The following CCDC178 variants were observed in gnomAD, a reference collection of about 807,000 sequenced individuals.
CCDC178 encodes coiled-coil domain-containing protein 178.
CCDC178 carries 126 observed loss-of-function variants against 117.4 expected under a neutral mutation model. The observed-to-expected ratio is 1.07, with a 90% CI of 0.93 to 1.24. CCDC178 has a LOEUF of 1.24. Ranked by LOEUF, CCDC178 falls within the 50% of genes most tolerant of loss-of-function variation. CCDC178 has a pLI of 0.00. For synonymous variants in CCDC178, 283 were observed against 313.4 expected, an observed-to-expected ratio of 0.90 and a Z score of 1.02; for missense variants, 1,030 against 986.9, an observed-to-expected ratio of 1.04 and a Z score of -0.59.
In CCDC178 at chr18:33,090,048, A is replaced by G. The variant is rs2145064721; in HGVS notation, c.2388+2713T>C. On this transcript the variant is annotated intron_variant, in intron 21 of 22. Coordinates refer to ENST00000383096, the MANE Select transcript of CCDC178 (RefSeq NM_001105528.4). ...AAGAATACCCATTGCTACAAATTTT[A>G]AAAGTACAGGAAAGTATCAAAGATA... is the stretch of plus-strand genomic sequence containing the variant. Among the ~76,000 whole-genome samples, 2 of 152,300 alleles carry G rather than the reference A, an allele frequency of 1.3e-5. 1 individual carries two copies. Among genetic ancestry groups the G allele is most frequent in the South Asian group, 4.1e-4 (2 of 4,832 alleles).
At chr18:33,134,935 G>A (rs1016522383) in intron 20 of CCDC178, among the ~76,000 whole-genome samples, 2 of 151,812 alleles carry the variant, frequency 1.3e-5, no homozygotes, top group African/African-American at 4.8e-5. Flanking sequence ...TCCTCAGTTC[G>A]TAATTTGTAG....
At chr18:33,314,936 A>G (rs2062396211) in intron 11 of CCDC178, among the ~76,000 whole-genome samples, 1 of 152,196 alleles carries the variant, frequency 6.6e-6, no homozygotes, top group South Asian at 2.1e-4. Flanking sequence ...AGGAAACCTT[A>G]AAATACATGA....
chr18:33,153,136 T>TTATA (rs10604490), intron 20 of CCDC178, among the ~76,000 whole-genome samples: 160 of 144,262 alleles, frequency 1.1e-3, no homozygotes, highest in Admixed American at 2.7e-3. Context: ...TGAGTGACAA[T>TTATA]TATATATATA....
intron 20 of CCDC178, among the ~76,000 whole-genome samples, chr18:33,182,892 TTAAG>T (rs1156656559): frequency 1.3e-5 from 2 of 152,020 alleles, no homozygotes; most frequent in Non-Finnish European, 2.9e-5. Flanking sequence ...TGATCAATTC[TTAAG>T]TAAGAGGAGC....
At chr18:33,384,342 C>T (rs1276714065) in intron 5 of CCDC178, among the ~76,000 whole-genome samples, 1 of 152,054 alleles carries the variant, frequency 6.6e-6, no homozygotes, top group Non-Finnish European at 1.5e-5. Context: ...GGCCAATTTT[C>T]AAATTCAGGA....
At chr18:33,238,803 A>G (rs1382687987) in intron 15 of CCDC178, among the ~76,000 whole-genome samples, 5 of 152,170 alleles carry the variant, frequency 3.3e-5, no homozygotes, top group African/African-American at 1.2e-4. Context: ...TAGATTCAAC[A>G]TAACAAGTCC....
At chr18:33,375,093 T>C (rs578225966) in intron 5 of CCDC178, among the ~76,000 whole-genome samples, 1 of 152,232 alleles carries the variant, frequency 6.6e-6, no homozygotes, top group South Asian at 2.1e-4. Flanking sequence ...AATGAGTGGA[T>C]TGTATTGCAT....
At chr18:33,272,167 T>C (rs1568105477) in intron 12 of CCDC178, among the ~76,000 whole-genome samples, 2 of 151,442 alleles carry the variant, frequency 1.3e-5, no homozygotes, top group Non-Finnish European at 3.0e-5. Context: ...AAATACTGTA[T>C]ACACTAACCA....
At chr18:33,090,322 C>T (rs1159540933) in intron 21 of CCDC178, among the ~76,000 whole-genome samples, 1 of 151,880 alleles carries the variant, frequency 6.6e-6, no homozygotes, top group South Asian at 2.1e-4. Flanking sequence ...ATTTACTATG[C>T]CAAAAGGAAT....
Position 33,333,331 on chromosome 18 carries a change from T to G in CCDC178, c.722A>C (p.Gln241Pro). The change falls in exon 10 of 23, where the codon CAA becomes CCA. Residue 241 changes from glutamine to proline, a missense_variant. By Grantham distance (76) the Gln-to-Pro change is moderately conservative. Transcript: ENST00000383096. ...CTTTTGTTTTTCAAAATGTTGTAGT[T>G]GATTAGCTTTATCTTCAAGATGCCA... ...LQWHLEDKAN[Q>P]LQHFEKQKTE... 1.2e-6 allele frequency: 2 copies of G among 1,612,824 alleles called. No homozygotes were observed. Among genetic ancestry groups the G allele is most frequent in the Non-Finnish European group, 1.7e-6 (2 of 1,179,338 alleles).
chr18:33,100,635 T>C (rs1405079504), intron 20 of CCDC178, among the ~76,000 whole-genome samples: 1 of 151,974 alleles, frequency 6.6e-6, no homozygotes, highest in Non-Finnish European at 1.5e-5. Context: ...AAGAGCTCTG[T>C]ATGTGGTCTT....
At chr18:33,131,842 C>G (rs1441209972) in intron 20 of CCDC178, among the ~76,000 whole-genome samples, 1 of 151,732 alleles carries the variant, frequency 6.6e-6, no homozygotes, top group East Asian at 1.9e-4. Context: ...AGGCCCAAGT[C>G]AGGTTATTTA....
chr18:32,983,188 G>C, intron 21 of CCDC178: 1 of 704,108 alleles, frequency 1.4e-6, no homozygotes, highest in East Asian at 2.8e-5. Flanking sequence ...ATTGGGAGTA[G>C]GTACATGGTG....
At chr18:33,105,401 A>G (rs2057691171) in intron 20 of CCDC178, among the ~76,000 whole-genome samples, 1 of 151,684 alleles carries the variant, frequency 6.6e-6, no homozygotes, top group South Asian at 2.1e-4. Context: ...CTCAGTAAAC[A>G]TTACTGAACA....
intron 20 of CCDC178, among the ~76,000 whole-genome samples, chr18:33,183,660 A>T (rs757045504): frequency 1.2e-4 from 19 of 152,158 alleles, no homozygotes; most frequent in South Asian, 4.1e-4. Context: ...CATAGAGACA[A>T]CTCACACAGC....
At chr18:33,257,219 T>G (rs1477364416) in intron 14 of CCDC178, among the ~76,000 whole-genome samples, 1 of 152,058 alleles carries the variant, frequency 6.6e-6, no homozygotes, top group African/African-American at 2.4e-5. Flanking sequence ...CTAAAAACAC[T>G]TTGATGATGT....
At chr18:33,393,489 G>C (rs2144834612) in intron 4 of CCDC178, among the ~76,000 whole-genome samples, 1 of 152,142 alleles carries the variant, frequency 6.6e-6, no homozygotes, top group South Asian at 2.1e-4. Flanking sequence ...CATCACCCCT[G>C]AAAGTTTCTC....
intron 15 of CCDC178, among the ~76,000 whole-genome samples, chr18:33,230,840 C>G (rs1051157088): frequency 1.3e-5 from 2 of 152,194 alleles, no homozygotes; most frequent in African/African-American, 4.8e-5. Context: ...CCTGAAAAAG[C>G]ACTGAAGGAA....
At chr18:32,991,297 G>T (rs917378799) in intron 21 of CCDC178, among the ~76,000 whole-genome samples, 16 of 152,090 alleles carry the variant, frequency 1.1e-4, no homozygotes, top group Admixed American at 3.9e-4. Flanking sequence ...TTTAGGTATT[G>T]TGTACATAAA....
Sources: gnomAD v4.1 joint callset for allele counts (sites outside exome capture counted in the v4.1 genomes callset) on GRCh38, gnomAD v4.1.1 for gene constraint, MANE v1.5 for transcripts, NCBI Gene and HGNC (gene_info 2026-07-23, HGNC 2026-07-21) for gene names.